OR2T27: variants seen among roughly 807,000 people sequenced by gnomAD.
The protein encoded by OR2T27 is olfactory receptor 2T27.
For missense variants in OR2T27, 152 were observed against 397.2 expected, an observed-to-expected ratio of 0.38 and a Z score of 5.25; for synonymous variants, 51 against 152.9, an observed-to-expected ratio of 0.33 and a Z score of 4.92.
chr1:248,650,245 TGA>T lies in OR2T27; in HGVS notation c.638_639del (p.Val213AspfsTer14), dbSNP rs776156254. 53 of 828,538 alleles carry T rather than the reference TGA, an allele frequency of 6.4e-5. 3 individuals are homozygous for T. The highest frequency in any genetic ancestry group is 2.9e-4 in the Middle Eastern group (1 of 3,486). 51.3% of individuals were successfully genotyped at this position (828,538 alleles called of 1,614,324 possible). A position where few individuals can be genotyped will look rare whatever the true frequency, so the allele number is the denominator to read the frequency against. On this transcript the variant is annotated frameshift_variant, in exon 2 of 2. Coordinates refer to ENST00000460972, the MANE Select transcript of OR2T27 (RefSeq NM_001001824.2). LOFTEE classifies it low-confidence loss of function (END_TRUNC). ...CIMMLLIPFS[V>X]ISGSYTRILI... ...AGAATTCTTGTGTAAGAGCCCGAGA[TGA>T]CAGAGAAAGGGATGAGGAGCATCAT... is the stretch of plus-strand genomic sequence containing the variant.
Position 248,649,881 on chromosome 1 carries a change from T to G in OR2T27, c.*50A>C. 1 of 1,278,742 alleles carries G rather than the reference T, an allele frequency of 7.8e-7. No homozygotes were observed. Among genetic ancestry groups the G allele is most frequent in the Non-Finnish European group, 1.1e-6 (1 of 888,722 alleles). 79.2% of individuals were successfully genotyped at this position (1,278,742 alleles called of 1,614,324 possible). A position where few individuals can be genotyped will look rare whatever the true frequency, so the allele number is the denominator to read the frequency against. ...GAATATTTAAATTCAAGGGCAATGA[T>G]AAAGTCTTGTATCCTTCATTTCAAG... On this transcript the variant is annotated 3_prime_UTR_variant, in exon 2 of 2. Coordinates refer to ENST00000460972, the MANE Select transcript of OR2T27 (RefSeq NM_001001824.2).
chr1:248,652,097 T>C (rs1214554027), intron 1 of OR2T27, among the ~76,000 whole-genome samples: 1 of 152,268 alleles, frequency 6.6e-6, no homozygotes, highest in African/African-American at 2.4e-5. Context: ...CCTGAGAATA[T>C]GACAGCTCCA....
At chr1:248,652,880 G>T (rs115629924) in intron 1 of OR2T27, among the ~76,000 whole-genome samples, 7,954 of 150,482 alleles carry the variant, frequency 0.053, 438 homozygotes, top group African/African-American at 0.18. Context: ...TGTTAAACCA[G>T]TGGGAAAATT....
rs75539013 is a variant in OR2T27, at chr1:248,650,528, G to A, written c.357C>T (p.Ser119=). 5,933 of 1,284,044 alleles carry A rather than the reference G, an allele frequency of 4.6e-3. 71 individuals are homozygous for A. The African/African-American group carries it at 0.068, about 15-fold the overall frequency. The allele number at this position is 1,284,044 out of a possible 1,614,324, so 79.5% of individuals were successfully genotyped here. ...GAEFFLLGLM[S]YDRYVAICNP... ...TGCAGATGGCTACGTAGCGATCATA[G>A]GACATGAGTCCTAGGAGGAAGAACT... Residue 119 remains serine, a synonymous_variant, in exon 2 of 2, where the codon TCC becomes TCT. Transcript: ENST00000460972.
Position 248,649,983 on chromosome 1 carries a change from AG to A in OR2T27, c.901del (p.Leu301TyrfsTer14). On this transcript the variant is annotated frameshift_variant, in exon 2 of 2. Transcript: ENST00000460972. LOFTEE classifies it low-confidence loss of function (END_TRUNC). ...CACACACCTCCCCACAACCTTCTGT[AG>A]GGCCCCTGTGACATCCTTGTTCCTA... ...SLRNKDVTGA[L>X]QKVVGRCVSS... is the part of the protein sequence containing the mutation. 1 of 1,577,068 alleles carries A rather than the reference AG, an allele frequency of 6.3e-7. No homozygotes were observed. The highest frequency in any genetic ancestry group is 8.6e-7 in the Non-Finnish European group (1 of 1,156,300).
At chr1:248,653,636 TAA>T (rs1393059093) in intron 1 of OR2T27, among the ~76,000 whole-genome samples, 1 of 58,724 alleles carries the variant, frequency 1.7e-5, no homozygotes, top group African/African-American at 3.1e-5. Context: ...TGCTTAACAG[TAA>T]GAGAACACAC....
At chr1:248,652,124 C>T (rs1392024006) in intron 1 of OR2T27, among the ~76,000 whole-genome samples, 2 of 151,928 alleles carry the variant, frequency 1.3e-5, no homozygotes, top group Admixed American at 1.3e-4. Context: ...TTCATCCAAA[C>T]AAGTCCTCCA....
At chr1:248,653,103 G>A (rs1450397103) in intron 1 of OR2T27, among the ~76,000 whole-genome samples, 20 of 128,104 alleles carry the variant, frequency 1.6e-4, no homozygotes, top group African/African-American at 4.2e-4. Context: ...GAAAAAATTG[G>A]TCCAAAAATA....
chr1:248,651,118 AC>A (rs1661011413), intron 1 of OR2T27, among the ~76,000 whole-genome samples: 1 of 17,750 alleles, frequency 5.6e-5, no homozygotes, highest in South Asian at 6.4e-3. Flanking sequence ...TCATGATCAA[AC>A]AATCTTTTTG....
chr1:248,652,273 T>C (rs1661036714), intron 1 of OR2T27, among the ~76,000 whole-genome samples: 1 of 151,170 alleles, frequency 6.6e-6, no homozygotes, highest in Non-Finnish European at 1.5e-5. Flanking sequence ...ATTTTACGTT[T>C]CCAAACAACT....
chr1:248,650,909 A>T lies in OR2T27; in HGVS notation c.-4-21T>A, dbSNP rs751784073. 9.6e-4 allele frequency: 957 copies of T among 999,134 alleles called. 4 individuals carry two copies. Among genetic ancestry groups the T allele is most frequent in the Non-Finnish European group, 1.2e-3 (932 of 777,612 alleles). The allele number at this position is 999,134 out of a possible 1,614,324, so 61.9% of individuals were successfully genotyped here. A position where few individuals can be genotyped will look rare whatever the true frequency, so the allele number is the denominator to read the frequency against. Reference sequence around the variant, plus strand: ...TAGCTCTGTAGGGTACACAAAAGAGATATGACAAAGTTGGAAAGGTATCTG... The same window carrying T: ...TAGCTCTGTAGGGTACACAAAAGAGTTATGACAAAGTTGGAAAGGTATCTG... On this transcript the variant is annotated intron_variant, in intron 1 of 1. Transcript: ENST00000460972.
In OR2T27 at chr1:248,650,054, G is replaced by GA. The variant is rs1210329211; in HGVS notation, c.830dup (p.Tyr278LeufsTer16). 6.3e-7 allele frequency: 1 copy of GA among 1,574,944 alleles called. No homozygotes were observed. The highest frequency in any genetic ancestry group is 1.4e-5 in the African/African-American group (1 of 69,752). On this transcript the variant is annotated frameshift_variant, in exon 2 of 2. Coordinates refer to ENST00000460972, the MANE Select transcript of OR2T27 (RefSeq NM_001001824.2). LOFTEE classifies it low-confidence loss of function (END_TRUNC). ...TGAGCATGGGAGTAAGGATGGTGTAGAAGGCAGATACAGCTTTGTCCTGCT... is the reference window on the plus strand; with the variant it reads ...TGAGCATGGGAGTAAGGATGGTGTAGAAAGGCAGATACAGCTTTGTCCTGCT...
intron 1 of OR2T27, among the ~76,000 whole-genome samples, chr1:248,655,060 T>G (rs1289115186): frequency 3.2e-5 from 1 of 31,550 alleles, no homozygotes; most frequent in African/African-American, 3.5e-5. Flanking sequence ...AAACCATTTT[T>G]AGAGATGCTT....
chr1:248,651,345 G>A (rs1661016499), intron 1 of OR2T27: 1 of 61,154 alleles, frequency 1.6e-5, no homozygotes, highest in Admixed American at 2.6e-4. Context: ...TTTGCCTATG[G>A]AAGAATAACT....
At chr1:248,653,947 G>T in intron 1 of OR2T27, among the ~76,000 whole-genome samples, 2 of 31,612 alleles carry the variant, frequency 6.3e-5, no homozygotes, top group East Asian at 0.062. Context: ...CTGTGTGCTG[G>T]ATTTTTGAAA....
intron 1 of OR2T27, among the ~76,000 whole-genome samples, chr1:248,653,383 A>G (rs1391634020): frequency 1.4e-5 from 2 of 141,326 alleles, no homozygotes; most frequent in Non-Finnish European, 3.2e-5. Flanking sequence ...GCCCCATGTA[A>G]TAACTGTCTA....
At chr1:248,653,431 G>A (rs1661061489) in intron 1 of OR2T27, among the ~76,000 whole-genome samples, 1 of 141,802 alleles carries the variant, frequency 7.1e-6, no homozygotes, top group South Asian at 2.4e-4. Flanking sequence ...CCAGTTCTAT[G>A]TATACCTAAT....
rs1019671710 is a variant in OR2T27 at position 248,653,827 on chromosome 1, ATTC to A, written c.-5+1614_-5+1616del. On this transcript the variant is annotated intron_variant, in intron 1 of 1. Coordinates refer to ENST00000460972, the MANE Select transcript of OR2T27 (RefSeq NM_001001824.2). ...CTATAGATTTTTATTTTTTATTAAT[ATTC>A]TTTTGTTCTATTTAGTGCAGCTATT... 3.4e-4 allele frequency among the ~76,000 whole-genome samples: 40 copies of A among 117,220 alleles called. 1 individual carries two copies. Among genetic ancestry groups the A allele is most frequent in the African/African-American group, 9.0e-4 (34 of 37,894 alleles). 76.9% of individuals were successfully genotyped at this position (117,220 alleles called of 152,430 possible). A position where few individuals can be genotyped will look rare whatever the true frequency, so the allele number is the denominator to read the frequency against.
rs1572114246 is a variant in OR2T27 at position 248,650,836 on chromosome 1, A to G, written c.49T>C (p.Leu17=). The change falls in exon 2 of 2, where the codon TTG becomes CTG. Residue 17 remains leucine (L), a synonymous_variant. Transcript: ENST00000460972. ...CAGGGGAAACGGGCGTTGCTGAACAAACCCAGAAGGATAAAGTCGGCATAC... is the reference window on the plus strand; with the variant it reads ...CAGGGGAAACGGGCGTTGCTGAACAGACCCAGAAGGATAAAGTCGGCATAC... ...SVYADFILLG[L]FSNARFPWLL... 6.2e-7 allele frequency: 1 copy of G among 1,609,600 alleles called. No individual in the cohort carries two copies. The highest frequency in any genetic ancestry group is 1.1e-5 in the South Asian group (1 of 90,894).
Sources: allele counts gnomAD v4.1 joint callset (sites outside exome capture counted in the v4.1 genomes callset), GRCh38; gene constraint gnomAD v4.1.1; transcripts MANE v1.5; gene names NCBI Gene and HGNC (gene_info 2026-07-23, HGNC 2026-07-21).